The following TRIM16 variants were observed in gnomAD, a reference collection of about 807,000 sequenced individuals.
TRIM16 encodes tripartite motif-containing protein 16.
TRIM16 carries 33 observed loss-of-function variants against 50.4 expected under a neutral mutation model. The observed-to-expected ratio is 0.65, with a 90% CI of 0.50 to 0.88. The LOEUF (loss-of-function observed/expected upper bound fraction) is 0.88. Among genes scored for constraint, TRIM16 ranks in the 40% least tolerant of loss-of-function variants. The pLI, the probability that TRIM16 is intolerant of heterozygous loss-of-function variation, is 0.00. For synonymous variants in TRIM16, 229 were observed against 270.7 expected (o/e 0.85, Z 1.51); for missense variants, 581 against 686.8 (o/e 0.85, Z 1.72).
chr17:15,651,191 G>A lies in TRIM16; in HGVS notation c.419C>T (p.Ala140Val), dbSNP rs144568697. Residue 140 changes from alanine to valine, a missense_variant, in exon 7 of 12, where the codon GCC becomes GTC. By Grantham distance (64) the Ala-to-Val change is moderately conservative. Transcript: ENST00000649191. ...YCPAHHSPLS[A>V]FCCPDQQCIC... ...GCACTGCTGATCAGGGCAGCAGAAG[G>A]CAGACAGTGGGCTGTGGTGGGCAGG... is the stretch of plus-strand genomic sequence containing the variant. The A allele has an allele frequency of 1.3e-4, 202 of 1,614,236 alleles. No homozygotes were observed. The African/African-American group carries it at 2.4e-3, about 19-fold the overall frequency.
chr17:15,681,789 G>A (rs1989194650), intron 3 of TRIM16, among the ~76,000 whole-genome samples: 1 of 152,252 alleles, frequency 6.6e-6, no homozygotes, highest in Non-Finnish European at 1.5e-5. Context: ...ATATTTTACA[G>A]TTTATTATTT....
chr17:15,679,154 C>T (rs2151429654), intron 4 of TRIM16, among the ~76,000 whole-genome samples: 1 of 152,302 alleles, frequency 6.6e-6, no homozygotes, highest in Admixed American at 6.5e-5. Context: ...GCTGGGATTA[C>T]AGGCATGAGC....
chr17:15,664,950 T>G (rs1228843309), intron 6 of TRIM16, among the ~76,000 whole-genome samples: 1 of 149,100 alleles, frequency 6.7e-6, no homozygotes, highest in Admixed American at 6.8e-5. Flanking sequence ...GAGGATTGCT[T>G]GAACCCGGGA....
At chr17:15,640,326 G>A (rs1434953318) in intron 8 of TRIM16, among the ~76,000 whole-genome samples, 1 of 148,618 alleles carries the variant, frequency 6.7e-6, no homozygotes, top group Non-Finnish European at 1.5e-5. Context: ...CCCATGGGCT[G>A]TGGCTGTGTG....
intron 10 of TRIM16, chr17:15,631,979 G>C: frequency 2.0e-6 from 1 of 500,816 alleles, no homozygotes; most frequent in Admixed American, 3.4e-5. Flanking sequence ...AGAAATGCCA[G>C]CCGATCGCAT....
In TRIM16 at chr17:15,628,959, G is replaced by A. The variant is rs1986252725; in HGVS notation, c.1351C>T (p.Arg451Trp). The change falls in exon 12 of 12, where the codon CGG becomes TGG. Residue 451 changes from arginine (R) to tryptophan (W), a missense_variant. Transcript: ENST00000649191. The stretch of plus-strand genomic sequence containing the variant: ...CAACTGTTGCGCTCCTCCCCTTTCC[G>A]GTCGATGCCTTTGCAGGTCAGGCCA... ...YVGLTCKGID[R>W]KGEERNSCIS... is the part of the protein sequence containing the mutation. 8.1e-6 allele frequency: 13 copies of A among 1,614,064 alleles called. No individual in the cohort carries two copies. Among genetic ancestry groups the A allele is most frequent in the South Asian group, 3.3e-5 (3 of 91,088 alleles).
intron 8 of TRIM16, among the ~76,000 whole-genome samples, chr17:15,642,055 AC>A (rs1987139837): frequency 6.7e-6 from 1 of 148,416 alleles, no homozygotes; most frequent in African/African-American, 2.5e-5. Flanking sequence ...TGTTGGCCAG[AC>A]TGGTCTCGAA....
At chr17:15,669,862 A>G (rs1376792116) in intron 6 of TRIM16, among the ~76,000 whole-genome samples, 4 of 152,186 alleles carry the variant, frequency 2.6e-5, no homozygotes, top group Non-Finnish European at 4.4e-5. Context: ...GATGATTAGC[A>G]GTATCCCTTG....
intron 3 of TRIM16, among the ~76,000 whole-genome samples, chr17:15,681,763 A>C (rs1989193870): frequency 6.6e-6 from 1 of 152,252 alleles, no homozygotes; most frequent in Non-Finnish European, 1.5e-5. Flanking sequence ...TCTACATATC[A>C]TTCTATATTT....
intron 7 of TRIM16, among the ~76,000 whole-genome samples, chr17:15,649,802 G>A (rs8080029): frequency 0.018 from 2,790 of 152,270 alleles, 74 homozygotes; most frequent in African/African-American, 0.063. Flanking sequence ...GTGTGGTGGA[G>A]ATAATGAGGA....
intron 7 of TRIM16, among the ~76,000 whole-genome samples, chr17:15,647,689 A>G (rs1238934190): frequency 6.6e-6 from 1 of 152,194 alleles, no homozygotes; most frequent in East Asian, 1.9e-4. Context: ...TAGACAGTGC[A>G]GCCCAGCACT....
chr17:15,654,648 T>A (rs1272152595), intron 6 of TRIM16, among the ~76,000 whole-genome samples: 2 of 152,224 alleles, frequency 1.3e-5, no homozygotes, highest in Non-Finnish European at 2.9e-5. Context: ...ACTAGGCAGA[T>A]AAACTCAAGT....
intron 6 of TRIM16, among the ~76,000 whole-genome samples, chr17:15,674,376 A>C (rs537036140): frequency 6.6e-6 from 1 of 152,142 alleles, no homozygotes; most frequent in Non-Finnish European, 1.5e-5. Flanking sequence ...CTCAAAAAAA[A>C]AAAAGACACA....
intron 6 of TRIM16, chr17:15,654,290 T>A (rs1438752332): frequency 6.6e-6 from 1 of 152,214 alleles, no homozygotes; most frequent in Non-Finnish European, 1.5e-5. Context: ...GTAGCCCTTT[T>A]TAGCGATGTA....
chr17:15,651,004 G>A (rs1423326412), intron 7 of TRIM16, 87 bp downstream of exon 7: 31 of 1,520,518 alleles, frequency 2.0e-5, no homozygotes, highest in Non-Finnish European at 2.6e-5. Context: ...TAGTAGTGGC[G>A]TCAGTGGACC....
intron 6 of TRIM16, among the ~76,000 whole-genome samples, chr17:15,663,960 G>T (rs952480280): frequency 2.0e-5 from 3 of 152,188 alleles, no homozygotes; most frequent in East Asian, 1.9e-4. Flanking sequence ...GTGTGTACAG[G>T]CCCCATGGTG....
chr17:15,665,244 G>C (rs56389522), intron 6 of TRIM16, among the ~76,000 whole-genome samples: 4,547 of 152,298 alleles, frequency 0.03, 87 homozygotes, highest in Middle Eastern at 0.054. Flanking sequence ...CGGGCGCAGT[G>C]GCTCATGCCT....
intron 6 of TRIM16, among the ~76,000 whole-genome samples, chr17:15,672,833 C>G (rs1351395925): frequency 6.6e-6 from 1 of 152,174 alleles, no homozygotes; most frequent in Non-Finnish European, 1.5e-5. Flanking sequence ...AAAAAAGGCT[C>G]TGTAAGTCCC....
At chr17:15,642,875 G>A (rs1405345484) in intron 7 of TRIM16, 59 bp from the exon 8 acceptor site, 21 of 485,396 alleles carry the variant, frequency 4.3e-5, no homozygotes, top group Non-Finnish European at 7.2e-5. Flanking sequence ...AGAAGGACAC[G>A]GGCACTCTCC....
Sources: allele counts gnomAD v4.1 joint callset (sites outside exome capture counted in the v4.1 genomes callset), GRCh38; gene constraint gnomAD v4.1.1; transcripts MANE v1.5; gene names NCBI Gene and HGNC (gene_info 2026-07-23, HGNC 2026-07-21).